The following PIP4P1 variants were observed in gnomAD, a reference collection of about 807,000 sequenced individuals.
PIP4P1 encodes the protein phosphatidylinositol-4,5-bisphosphate 4-phosphatase 1, also known as type 1 phosphatidylinositol 4,5-bisphosphate 4-phosphatase.
In PIP4P1, 14 loss-of-function variants were observed where a neutral mutation model predicts 32.3. The observed-to-expected ratio is 0.43, with a 90% CI of 0.29 to 0.68. The LOEUF is 0.68. Among genes scored for constraint, PIP4P1 ranks in the 30% least tolerant of loss-of-function variants. The pLI is 0.15. For missense variants in PIP4P1, 289 were observed against 364.5 expected (o/e 0.79, Z 1.69); for synonymous variants, 132 against 137.9 (o/e 0.96, Z 0.30).
chr14:20,460,331 C>T (rs1881654175), intron 2 of PIP4P1, 33 bp from the exon 3 acceptor site: 1 of 1,507,474 alleles, frequency 6.6e-7, no homozygotes, highest in African/African-American at 1.4e-5. Flanking sequence ...GCAAGCAAAC[C>T]TCTAATCCCA....
Position 20,461,433 on chromosome 14 carries a change from C to G in PIP4P1, c.-108G>C. On this transcript the variant is annotated 5_prime_UTR_variant, in exon 1 of 7. Coordinates refer to ENST00000250489, the MANE Select transcript of PIP4P1 (RefSeq NM_144568.4). ...CACCGCCACCGCCGCTACCGGGTCC[C>G]CAGGGCGCCTGCGCGCCGCGCGCCC... 8.7e-7 allele frequency: 1 copy of G among 1,146,760 alleles called. No homozygotes were observed. The highest frequency in any genetic ancestry group is 1.1e-6 in the Non-Finnish European group (1 of 911,170). 71.0% of individuals were successfully genotyped at this position (1,146,760 alleles called of 1,614,324 possible). A position where few individuals can be genotyped will look rare whatever the true frequency, so the allele number is the denominator to read the frequency against.
chr14:20,460,920 T>C, intron 1 of PIP4P1, 75 bp from the exon 2 acceptor site: 2 of 1,461,156 alleles, frequency 1.4e-6, no homozygotes, highest in Non-Finnish European at 1.8e-6. Context: ...GGGAAGTCCT[T>C]CTGATCTTCA....
At chr14:20,458,840 C>T (rs1038915211) in intron 6 of PIP4P1, 138 bp from the exon 7 acceptor site, 1 of 1,092,850 alleles carries the variant, frequency 9.2e-7, no homozygotes, top group African/African-American at 1.6e-5. Context: ...CCTCAGGGAC[C>T]TTCTTAAAGG....
At chr14:20,459,522 T>C in intron 4 of PIP4P1, 82 bp from the exon 5 acceptor site, 1 of 1,588,122 alleles carries the variant, frequency 6.3e-7, no homozygotes. Flanking sequence ...CAGAACATGT[T>C]CCCATAGGAC....
chr14:20,458,810 C>T (rs1881578248), intron 6 of PIP4P1, 108 bp from the exon 7 acceptor site: 1 of 1,416,458 alleles, frequency 7.1e-7, no homozygotes, highest in Admixed American at 2.5e-5. Flanking sequence ...AGTCCTTGTT[C>T]CTTATCCACA....
At position 20,459,224 on chromosome 14, in the gene PIP4P1, G is replaced by A. The variant is rs1295799984; in HGVS notation, c.672C>T (p.Val224=). 4.3e-6 allele frequency: 7 copies of A among 1,614,050 alleles called. No homozygotes were observed. Among genetic ancestry groups the A allele is most frequent in the Non-Finnish European group, 5.9e-6 (7 of 1,180,038 alleles). ...CCFLLGLLLA[V]TATGLAFGTW... ...TACTCACGGCAAGGCCAGTGGCAGT[G>A]ACTGCCAAAAGCAAGCCAAGCAAGA... Residue 224 remains valine, a synonymous_variant, in exon 6 of 7, where the codon GTC becomes GTT. Transcript: ENST00000250489.
chr14:20,460,523 A>T, intron 2 of PIP4P1, 132 bp downstream of exon 2: 1 of 957,618 alleles, frequency 1.0e-6, no homozygotes, highest in Non-Finnish European at 1.5e-6. Context: ...TGGCTGTGTG[A>T]GACACCTGGA....
rs1396817323 is a variant in PIP4P1 at position 20,458,703 on chromosome 14, CTGA to C, written c.691-4_691-2del. 3 of 1,610,922 alleles carry C rather than the reference CTGA, an allele frequency of 1.9e-6. No individual in the cohort carries two copies. The Admixed American group carries it at 5.1e-5, about 27-fold the overall frequency. On this transcript the variant is annotated splice_acceptor_variant and splice_polypyrimidine_tract_variant and intron_variant, in intron 6 of 6. Transcript: ENST00000250489. LOFTEE classifies it high-confidence loss of function. ...GCCGTGCATGCTTCCATGTGCCAAA[CTGA>C]TGAAGATAAGGAGGGAGAAGAAAAG...
In PIP4P1 at chr14:20,458,294, G is replaced by A. The variant is rs1406598929; in HGVS notation, c.*265C>T. The stretch of plus-strand genomic sequence containing the variant: ...AAGGACAAGGCTGGAACCGTCTTCA[G>A]GGCCCAGTTTTAAGGGCAACGTTTT... On this transcript the variant is annotated 3_prime_UTR_variant, in exon 7 of 7. Transcript: ENST00000250489. 3 of 620,686 alleles carry A rather than the reference G, an allele frequency of 4.8e-6. No homozygotes were observed. The highest frequency in any genetic ancestry group is 9.0e-6 in the Non-Finnish European group (3 of 334,606). The allele number at this position is 620,686 out of a possible 1,614,324, so 38.4% of individuals were successfully genotyped here.
In PIP4P1 at chr14:20,458,716, G is replaced by A; in HGVS notation, c.691-14C>T. The A allele has an allele frequency of 6.2e-7, 1 of 1,605,872 alleles. No individual in the cohort carries two copies. Among genetic ancestry groups the A allele is most frequent in the South Asian group, 1.1e-5 (1 of 90,074 alleles). ...CCATGTGCCAAACTGATGAAGATAAGGAGGGAGAAGAAAAGAAAGATGGGG... is the reference window on the plus strand; with the variant it reads ...CCATGTGCCAAACTGATGAAGATAAAGAGGGAGAAGAAAAGAAAGATGGGG... On this transcript the variant is annotated splice_polypyrimidine_tract_variant and intron_variant, in intron 6 of 6. Transcript: ENST00000250489.
At position 20,461,062 on chromosome 14, in the gene PIP4P1, G is replaced by C. The variant is rs552244046; in HGVS notation, c.142+122C>G. The C allele has an allele frequency of 6.1e-4, 769 of 1,261,312 alleles. No individual in the cohort carries two copies. The African/African-American group carries it at 0.011, about 18-fold the overall frequency. The allele number at this position is 1,261,312 out of a possible 1,614,324, so 78.1% of individuals were successfully genotyped here. A position where few individuals can be genotyped will look rare whatever the true frequency, so the allele number is the denominator to read the frequency against. On this transcript the variant is annotated intron_variant, in intron 1 of 6. Transcript: ENST00000250489. ...GCCTCGCCCAGTCACAGGTGCAGCA[G>C]TCCCGCACCTGGCGACTGGGACCCG...
Position 20,461,362 on chromosome 14 carries a change from C to T in PIP4P1, c.-37G>A. The T allele has an allele frequency of 8.0e-7, 1 of 1,253,404 alleles. No homozygotes were observed. 77.6% of individuals were successfully genotyped at this position (1,253,404 alleles called of 1,614,324 possible). A position where few individuals can be genotyped will look rare whatever the true frequency, so the allele number is the denominator to read the frequency against. ...CCGCCTCCCGCTCAGGTCGGCGATC[C>T]GGCTCCCTTCGCCTCTGCCGTCGCC... On this transcript the variant is annotated 5_prime_UTR_variant, in exon 1 of 7. Transcript: ENST00000250489.
Position 20,457,770 on chromosome 14 carries a change from C to G in PIP4P1, c.*789G>C. On this transcript the variant is annotated 3_prime_UTR_variant, in exon 7 of 7. Transcript: ENST00000250489. ...GAAAATAAAGAGCCATAGTTTCAGC[C>G]TTGCTGTCTTCGTGTCTTACCCCTT... 1.9e-6 allele frequency: 1 copy of G among 526,808 alleles called. No homozygotes were observed. The highest frequency in any genetic ancestry group is 1.9e-5 in the African/African-American group (1 of 52,366). The allele number at this position is 526,808 out of a possible 1,614,324, so 32.6% of individuals were successfully genotyped here. A position where few individuals can be genotyped will look rare whatever the true frequency, so the allele number is the denominator to read the frequency against.
In PIP4P1 at chr14:20,459,390, T is replaced by C; in HGVS notation, c.597A>G (p.Lys199=). The change falls in exon 5 of 7, where the codon AAA becomes AAG. Residue 199 remains lysine, a splice_region_variant and synonymous_variant. Transcript: ENST00000250489. ...RTLARCPHCR[K]VSSIGRRYPR... is the part of the protein sequence containing the mutation. ...CAGCTCAATCCCTAATCACTTACAC[T>C]TTCCTGCAGTGAGGACAACGTGCCA... is the stretch of plus-strand genomic sequence containing the variant. 3 of 1,614,226 alleles carry C rather than the reference T, an allele frequency of 1.9e-6. No homozygotes were observed. The highest frequency in any genetic ancestry group is 2.2e-5 in the East Asian group (1 of 44,896).
In PIP4P1 at chr14:20,458,308, G is replaced by A. The variant is rs2139312978; in HGVS notation, c.*251C>T. ...AACCGTCTTCAGGGCCCAGTTTTAA[G>A]GGCAACGTTTTGCCTACTTCACCCT... On this transcript the variant is annotated 3_prime_UTR_variant, in exon 7 of 7. Transcript: ENST00000250489. The A allele has an allele frequency of 1.6e-6, 1 of 622,096 alleles. No individual in the cohort carries two copies. The highest frequency in any genetic ancestry group is 3.4e-5 in the East Asian group (1 of 29,408). The allele number at this position is 622,096 out of a possible 1,614,324, so 38.5% of individuals were successfully genotyped here.
chr14:20,460,753 C>G lies in PIP4P1; in HGVS notation c.235G>C (p.Ala79Pro). The change falls in exon 2 of 7, where the codon GCC becomes CCC. Residue 79 changes from alanine (A) to proline (P), a missense_variant. Physicochemically the swap from Ala to Pro is conservative, Grantham distance 27. Coordinates refer to ENST00000250489, the MANE Select transcript of PIP4P1 (RefSeq NM_144568.4). ...SPLTSPDSGS[A>P]PMITCRVCQS... ...CAGACTCGGCAGGTGATCATAGGGG[C>G]ACTCCCACTGTCCGGGCTAGTTAAG... 1 of 1,612,974 alleles carries G rather than the reference C, an allele frequency of 6.2e-7. No homozygotes were observed. The highest frequency in any genetic ancestry group is 8.5e-7 in the Non-Finnish European group (1 of 1,179,384).
Position 20,457,969 on chromosome 14 carries a change from G to C in PIP4P1, c.*590C>G, listed in dbSNP as rs955387187. On this transcript the variant is annotated 3_prime_UTR_variant, in exon 7 of 7. Transcript: ENST00000250489. ...ATACTGCAACTGGGGGGGTAAAAAA[G>C]GTCGGGAGGAGGAATTAAGGGAAAT... 66 of 309,840 alleles carry C rather than the reference G, an allele frequency of 2.1e-4. No homozygotes were observed. Among genetic ancestry groups the C allele is most frequent in the African/African-American group, 1.2e-3 (57 of 46,136 alleles). 19.2% of individuals were successfully genotyped at this position (309,840 alleles called of 1,614,324 possible). A position where few individuals can be genotyped will look rare whatever the true frequency, so the allele number is the denominator to read the frequency against.
Position 20,457,722 on chromosome 14 carries a change from G to A in PIP4P1, c.*837C>T. 1 of 638,432 alleles carries A rather than the reference G, an allele frequency of 1.6e-6. No individual in the cohort carries two copies. The highest frequency in any genetic ancestry group is 2.0e-5 in the South Asian group (1 of 50,814). 39.5% of individuals were successfully genotyped at this position (638,432 alleles called of 1,614,324 possible). A position where few individuals can be genotyped will look rare whatever the true frequency, so the allele number is the denominator to read the frequency against. On this transcript the variant is annotated 3_prime_UTR_variant, in exon 7 of 7. Transcript: ENST00000250489. ...AAAAAATTGAACAAAGACTACTAATGACTTTGTTTGAATTATCCACATGAA... is the reference window on the plus strand; with the variant it reads ...AAAAAATTGAACAAAGACTACTAATAACTTTGTTTGAATTATCCACATGAA...
At chr14:20,459,331 T>C in intron 5 of PIP4P1, 35 bp from the exon 6 acceptor site, 1 of 1,614,218 alleles carries the variant, frequency 6.2e-7, no homozygotes, top group African/African-American at 1.3e-5. Flanking sequence ...ATGCTTTCTA[T>C]GGCCTTGTAG....
Sources: gnomAD v4.1 joint callset for allele counts on GRCh38, gnomAD v4.1.1 for gene constraint, MANE v1.5 for transcripts, NCBI Gene and HGNC (gene_info 2026-07-23, HGNC 2026-07-21) for gene names.